The following KLHDC4 variants were observed in gnomAD, a reference collection of about 807,000 sequenced individuals.
KLHDC4 encodes the protein kelch domain containing 4.
In KLHDC4, 90 loss-of-function variants were observed where a neutral mutation model predicts 62.4. The ratio of observed to expected loss-of-function variants is 1.44; its 90% CI spans 1.22 to 1.72. KLHDC4 has a LOEUF of 1.72. KLHDC4 is among the 40% of genes most tolerant of loss of function. The pLI is 0.00. For synonymous variants in KLHDC4, 386 were observed against 284.4 expected (o/e 1.36, Z -3.59); for missense variants, 1,025 against 699.7 (o/e 1.47, Z -5.25).
rs183825458 is a variant in KLHDC4 at position 87,754,751 on chromosome 16, G to C, written c.369+443C>G. Among the ~76,000 whole-genome samples, 717 of 152,290 alleles carry C rather than the reference G, an allele frequency of 4.7e-3. 6 individuals are homozygous for C. The highest frequency in any genetic ancestry group is 5.8e-3 in the Non-Finnish European group (395 of 68,026). On this transcript the variant is annotated intron_variant, in intron 4 of 11. Transcript: ENST00000270583. ...CAGCTGACACTGCTCTCCTGGGTAG[G>C]AAACCAGCTAACCACGTGCTAAGTC...
intron 5 of KLHDC4, chr16:87,731,044 T>A (rs1053303401): frequency 8.7e-6 from 1 of 115,308 alleles, no homozygotes; most frequent in Non-Finnish European, 1.7e-5. Flanking sequence ...ACATACAGAA[T>A]TCTTTTTTTT....
intron 7 of KLHDC4, among the ~76,000 whole-genome samples, chr16:87,717,162 C>T (rs372613901): frequency 9.1e-4 from 138 of 152,100 alleles, no homozygotes; most frequent in African/African-American, 3.1e-3. Context: ...GCCTGAAAGG[C>T]AGAGGCTGCA....
At chr16:87,765,254 C>A (rs2046466280) in intron 1 of KLHDC4, 1 of 456,102 alleles carries the variant, frequency 2.2e-6, no homozygotes, top group South Asian at 1.5e-5. Flanking sequence ...CCATCAGCTG[C>A]TACGGGATAC....
At chr16:87,736,722 G>C (rs1682359738) in intron 5 of KLHDC4, among the ~76,000 whole-genome samples, 1 of 152,184 alleles carries the variant, frequency 6.6e-6, no homozygotes, top group Non-Finnish European at 1.5e-5. Flanking sequence ...TTACTACTCA[G>C]AGAAAAACCA....
chr16:87,751,186 T>A (rs1226425401), intron 4 of KLHDC4, among the ~76,000 whole-genome samples: 5 of 152,142 alleles, frequency 3.3e-5, no homozygotes, highest in Non-Finnish European at 7.4e-5. Flanking sequence ...TGCATAGAAA[T>A]ATGAACTGGC....
At chr16:87,755,903 G>A in intron 3 of KLHDC4, 2 of 161,518 alleles carry the variant, frequency 1.2e-5, no homozygotes, top group Admixed American at 1.2e-4. Context: ...GAGAGACGAA[G>A]ATGGACAAAT....
At chr16:87,720,419 C>T (rs1597467820) in intron 7 of KLHDC4, among the ~76,000 whole-genome samples, 1 of 152,308 alleles carries the variant, frequency 6.6e-6, no homozygotes, top group South Asian at 2.1e-4. Context: ...AAGACGACTC[C>T]TAAACCACCT....
At chr16:87,710,541 C>T (rs1458568077) in intron 9 of KLHDC4, 2 of 152,270 alleles carry the variant, frequency 1.3e-5, no homozygotes, top group South Asian at 2.1e-4. Flanking sequence ...TAGCTGGGGT[C>T]AACACGCTCT....
At chr16:87,721,052 C>CA in intron 7 of KLHDC4, among the ~76,000 whole-genome samples, 1 of 152,358 alleles carries the variant, frequency 6.6e-6, no homozygotes, top group South Asian at 2.1e-4. Context: ...GGCCAACGGC[C>CA]ACTCAACCCC....
rs541604825 is a variant in KLHDC4 at position 87,699,972 on chromosome 16, T to C, written c.*1667A>G. ...TACTTTTGCAGTTCAGGTTCTTGGT[T>C]GTCCTTTACTCCTTCCCCGGGAGGT... On this transcript the variant is annotated 3_prime_UTR_variant, in exon 1 of 1. Coordinates refer to the KLHDC4 transcript ENST00000446344. 11 of 152,392 alleles carry C rather than the reference T, an allele frequency of 7.2e-5. No homozygotes were observed. In the East Asian group the frequency reaches 2.1e-3, roughly 29 times the overall value. The allele number at this position is 152,392 out of a possible 1,614,324, so 9.4% of individuals were successfully genotyped here.
chr16:87,744,760 AG>A (rs1211322054), intron 5 of KLHDC4, among the ~76,000 whole-genome samples: 1 of 152,262 alleles, frequency 6.6e-6, no homozygotes, highest in African/African-American at 2.4e-5. Context: ...TCAATGAATC[AG>A]AAAAAACCTC....
intron 5 of KLHDC4, among the ~76,000 whole-genome samples, chr16:87,740,024 G>T (rs565893111): frequency 1.3e-5 from 2 of 152,152 alleles, no homozygotes; most frequent in Non-Finnish European, 2.9e-5. Context: ...TATCGGGCGG[G>T]GTCCTAAAGT....
chr16:87,756,264 C>T, intron 3 of KLHDC4, 135 bp downstream of exon 3: 1 of 650,022 alleles, frequency 1.5e-6, no homozygotes, highest in East Asian at 2.8e-5. Context: ...CGTCTCACAT[C>T]AGGCCTGACG....
chr16:87,762,893 T>C (rs2046093330), intron 1 of KLHDC4, among the ~76,000 whole-genome samples: 1 of 151,528 alleles, frequency 6.6e-6, no homozygotes, highest in East Asian at 1.9e-4. Context: ...CCATCTTCCC[T>C]CCCCCACACC....
intron 2 of KLHDC4, among the ~76,000 whole-genome samples, chr16:87,759,531 A>G (rs537498677): frequency 6.6e-5 from 10 of 152,080 alleles, no homozygotes; most frequent in African/African-American, 1.9e-4. Flanking sequence ...TGGATCACCT[A>G]AGGTCGGGAG....
intron 1 of KLHDC4, among the ~76,000 whole-genome samples, chr16:87,762,871 C>A (rs765270520): frequency 2.0e-5 from 3 of 152,106 alleles, no homozygotes; most frequent in Non-Finnish European, 4.4e-5. Flanking sequence ...TGCAACTACA[C>A]ACACCTGCAG....
At chr16:87,751,302 T>C (rs1042437238) in intron 4 of KLHDC4, among the ~76,000 whole-genome samples, 2 of 152,036 alleles carry the variant, frequency 1.3e-5, no homozygotes, top group African/African-American at 2.4e-5. Flanking sequence ...GGTGAAACCC[T>C]GTCTGTACTA....
chr16:87,751,484 G>GAA (rs5818643), intron 4 of KLHDC4, among the ~76,000 whole-genome samples: 22 of 148,178 alleles, frequency 1.5e-4, no homozygotes, highest in African/African-American at 2.2e-4. Flanking sequence ...AAAAAAAAAA[G>GAA]AAAAAAAAAA....
At chr16:87,703,961 A>G (rs1307437313), downstream of KLHDC4, among the ~76,000 whole-genome samples, 1 of 152,228 alleles carries the variant, frequency 6.6e-6, no homozygotes, top group African/African-American at 2.4e-5. Flanking sequence ...GCCTCCACAC[A>G]ACACTCTTAC....
Sources: gnomAD v4.1 joint callset for allele counts (sites outside exome capture counted in the v4.1 genomes callset) on GRCh38, gnomAD v4.1.1 for gene constraint, MANE v1.5 for transcripts, NCBI Gene and HGNC (gene_info 2026-07-23, HGNC 2026-07-21) for gene names.